Variants in TENM4 observed in about 807,000 individuals in gnomAD.
TENM4 encodes the protein teneurin transmembrane protein 4, also known as teneurin-4.
Under a neutral mutation model 243.3 loss-of-function variants are expected in TENM4, and 82 were observed. The observed-to-expected ratio is 0.34, with a 90% CI of 0.28 to 0.40. The LOEUF (loss-of-function observed/expected upper bound fraction) is 0.40. Among genes scored for constraint, TENM4 ranks in the 10% least tolerant of loss-of-function variants. The pLI is 1.00. For missense variants in TENM4, 3,138 were observed against 3,673.3 expected (o/e 0.85, Z 3.77); for synonymous variants, 1,412 against 1,456.3 (o/e 0.97, Z 0.69).
intron 2 of TENM4, among the ~76,000 whole-genome samples, chr11:79,245,843 G>A (rs2135292017): frequency 6.7e-6 from 1 of 148,938 alleles, no homozygotes; most frequent in East Asian, 2.0e-4. Context: ...GGGAGGTTGA[G>A]ACAGGAGAAT....
At chr11:78,951,135 T>C (rs758576695) in intron 6 of TENM4, among the ~76,000 whole-genome samples, 2 of 152,240 alleles carry the variant, frequency 1.3e-5, no homozygotes, top group African/African-American at 4.8e-5. Flanking sequence ...AAGCTGGCCT[T>C]TGCCATGGCA....
At chr11:79,277,847 C>A (rs1009619262) in intron 2 of TENM4, among the ~76,000 whole-genome samples, 3 of 152,144 alleles carry the variant, frequency 2.0e-5, no homozygotes, top group African/African-American at 7.2e-5. Flanking sequence ...GGCTAGTTCT[C>A]ACCATCTTGG....
intron 21 of TENM4, 25 bp from the exon 22 acceptor site, chr11:78,729,668 C>T (rs1188897643): frequency 6.3e-7 from 1 of 1,587,378 alleles, no homozygotes; most frequent in East Asian, 2.2e-5. Flanking sequence ...CAGATCACAG[C>T]AAGGGACGGT....
At chr11:79,336,488 T>C (rs890165783) in intron 1 of TENM4, among the ~76,000 whole-genome samples, 2 of 152,134 alleles carry the variant, frequency 1.3e-5, no homozygotes, top group East Asian at 1.9e-4. Context: ...AGCCAGCACA[T>C]AGTAGGTGTT....
At chr11:78,750,721 A>G (rs1223129088) in intron 19 of TENM4, among the ~76,000 whole-genome samples, 4 of 152,226 alleles carry the variant, frequency 2.6e-5, no homozygotes, top group African/African-American at 9.6e-5. Context: ...CTCTGTGCCA[A>G]TTCCTTTGGG....
chr11:79,209,871 C>T (rs574769352), intron 3 of TENM4, among the ~76,000 whole-genome samples: 4 of 152,316 alleles, frequency 2.6e-5, no homozygotes, highest in Non-Finnish European at 5.9e-5. Context: ...CAGGTATCAG[C>T]TATATGTCCT....
intron 4 of TENM4, among the ~76,000 whole-genome samples, chr11:79,138,398 A>T (rs1450913154): frequency 8.4e-6 from 1 of 118,386 alleles, no homozygotes; most frequent in African/African-American, 3.4e-5. Flanking sequence ...TAATATAGTT[A>T]TATATAAATA....
At chr11:78,900,461 A>G (rs1855902564) in intron 7 of TENM4, among the ~76,000 whole-genome samples, 2 of 151,812 alleles carry the variant, frequency 1.3e-5, no homozygotes, top group African/African-American at 2.4e-5. Flanking sequence ...TTTCCCCTCA[A>G]CTCCTTTGGG....
chr11:79,262,645 G>C (rs954328424), intron 2 of TENM4, among the ~76,000 whole-genome samples: 1 of 152,202 alleles, frequency 6.6e-6, no homozygotes, highest in African/African-American at 2.4e-5. Flanking sequence ...ATTTAAAAAG[G>C]AATGTGTGAC....
chr11:78,720,145 CA>C (rs1350690516), intron 25 of TENM4, among the ~76,000 whole-genome samples: 12 of 152,188 alleles, frequency 7.9e-5, no homozygotes, highest in African/African-American at 2.9e-4. Flanking sequence ...TTCAGACTAT[CA>C]AAGTAACTGC....
chr11:79,257,234 G>A (rs1478668115), intron 2 of TENM4, among the ~76,000 whole-genome samples: 2 of 152,132 alleles, frequency 1.3e-5, no homozygotes, highest in African/African-American at 2.4e-5. Context: ...GGCCAGCCTA[G>A]TAGCCTCTCA....
At chr11:78,783,176 T>G (rs746254225) in intron 16 of TENM4, among the ~76,000 whole-genome samples, 3 of 152,200 alleles carry the variant, frequency 2.0e-5, no homozygotes, top group Non-Finnish European at 4.4e-5. Flanking sequence ...AACGCCTTGT[T>G]AAATTTAACT....
intron 2 of TENM4, among the ~76,000 whole-genome samples, chr11:79,264,686 A>G (rs1252818342): frequency 6.6e-6 from 1 of 152,228 alleles, no homozygotes; most frequent in African/African-American, 2.4e-5. Flanking sequence ...TACACGTTGG[A>G]AATGGGACTA....
chr11:79,066,332 G>C (rs910778423), intron 5 of TENM4, among the ~76,000 whole-genome samples: 2 of 152,136 alleles, frequency 1.3e-5, no homozygotes, highest in African/African-American at 2.4e-5. Context: ...AGGCCTCCTC[G>C]GCCAGGACTG....
At chr11:79,164,099 A>AGT (rs553146798) in intron 3 of TENM4, among the ~76,000 whole-genome samples, 2,675 of 112,516 alleles carry the variant, frequency 0.024, 137 homozygotes, top group African/African-American at 0.096. Flanking sequence ...ATGTATATAT[A>AGT]GTATATATAC....
intron 6 of TENM4, among the ~76,000 whole-genome samples, chr11:78,985,317 G>T (rs916236989): frequency 2.6e-5 from 4 of 151,410 alleles, no homozygotes; most frequent in Non-Finnish European, 5.9e-5. Flanking sequence ...AAATTGCTGG[G>T]CCAAAAAAAT....
At chr11:79,226,719 C>G (rs948277994) in intron 2 of TENM4, among the ~76,000 whole-genome samples, 1 of 152,216 alleles carries the variant, frequency 6.6e-6, no homozygotes, top group Non-Finnish European at 1.5e-5. Flanking sequence ...GTGTTGTAGA[C>G]TTTACCGCCC....
chr11:78,975,893 C>T (rs184931730), intron 6 of TENM4, among the ~76,000 whole-genome samples: 1 of 152,140 alleles, frequency 6.6e-6, no homozygotes, highest in African/African-American at 2.4e-5. Flanking sequence ...TTATCTTAAT[C>T]AACCCTCATG....
chr11:79,039,333 G>C (rs186680904), intron 6 of TENM4, among the ~76,000 whole-genome samples: 6 of 152,200 alleles, frequency 3.9e-5, no homozygotes, highest in African/African-American at 1.4e-4. Flanking sequence ...GCCACCAACA[G>C]AGGACAAATC....
Sources: gnomAD v4.1 joint callset for allele counts (sites outside exome capture counted in the v4.1 genomes callset) on GRCh38, gnomAD v4.1.1 for gene constraint, MANE v1.5 for transcripts, NCBI Gene and HGNC (gene_info 2026-07-23, HGNC 2026-07-21) for gene names.